Variants in MYO18B observed in about 807,000 individuals in gnomAD.
The protein encoded by MYO18B is myosin XVIIIB, also known as unconventional myosin-XVIIIb.
In MYO18B, 204 loss-of-function variants were observed where a neutral mutation model predicts 273.0. The ratio of observed to expected loss-of-function variants is 0.75; its 90% CI spans 0.67 to 0.84. MYO18B has a LOEUF of 0.84. Among genes scored for constraint, MYO18B ranks in the 40% least tolerant of loss-of-function variants. MYO18B has a pLI of 0.00. For missense variants in MYO18B, 3,212 were observed against 3,287.6 expected (o/e 0.98, Z 0.56); for synonymous variants, 1,330 against 1,305.7 (o/e 1.02, Z -0.40).
intron 29 of MYO18B, chr22:25,899,954 A>C (rs1363039436): frequency 6.6e-6 from 1 of 152,270 alleles, no homozygotes; most frequent in Non-Finnish European, 1.5e-5. Context: ...TTGGCCCCCA[A>C]CTATGGGTTC....
intron 39 of MYO18B, among the ~76,000 whole-genome samples, chr22:25,961,506 C>T (rs1429009240): frequency 6.6e-6 from 1 of 152,158 alleles, no homozygotes; most frequent in Non-Finnish European, 1.5e-5. Flanking sequence ...ATGTGCTATT[C>T]CTGGAGACTC....
chr22:25,849,247 A>T (rs2090349618), intron 20 of MYO18B, among the ~76,000 whole-genome samples: 1 of 152,216 alleles, frequency 6.6e-6, no homozygotes, highest in Non-Finnish European at 1.5e-5. Flanking sequence ...TCACGACACC[A>T]TCTCTGTTCT....
the MYO18B span, among the ~76,000 whole-genome samples, chr22:26,047,924 G>GC: frequency 6.6e-6 from 1 of 152,066 alleles, no homozygotes; most frequent in Non-Finnish European, 1.5e-5. Flanking sequence ...TGCCACACTG[G>GC]CTGCCTGTCA....
At chr22:26,009,519 C>A (rs1261162546) in intron 42 of MYO18B, among the ~76,000 whole-genome samples, 8 of 152,212 alleles carry the variant, frequency 5.3e-5, no homozygotes, top group Non-Finnish European at 1.2e-4. Context: ...ACTCCACATT[C>A]ATGCCTCAAT....
chr22:25,814,149 G>A (rs902371722), intron 12 of MYO18B, among the ~76,000 whole-genome samples: 3 of 152,076 alleles, frequency 2.0e-5, no homozygotes, highest in Non-Finnish European at 2.9e-5. Flanking sequence ...GGACACCTGC[G>A]GGACCCTGAT....
intron 15 of MYO18B, among the ~76,000 whole-genome samples, chr22:25,829,319 G>A (rs75162487): frequency 6.8e-4 from 104 of 152,288 alleles, no homozygotes; most frequent in South Asian, 2.1e-4. Context: ...TGCCCAGGGG[G>A]GGAATGCCCT....
chr22:26,026,976 T>G lies in MYO18B; in HGVS notation c.7002T>G (p.Val2334=), dbSNP rs9613085. 6.2e-7 allele frequency: 1 copy of G among 1,613,872 alleles called. No homozygotes were observed. Residue 2334 remains valine (V), a synonymous_variant, in exon 43 of 44, where the codon GTT becomes GTG. Coordinates refer to ENST00000335473, the MANE Select transcript of MYO18B (RefSeq NM_032608.7). The part of the protein sequence containing the change: ...TSLKCISSDG[V]GGTTLLPEKS... ...TCAAATGCATCTCTTCAGACGGTGT[T>G]GGGGGCACAACCCTACTCCCCGAAA...
At chr22:25,977,347 G>A (rs1205222016) in intron 39 of MYO18B, among the ~76,000 whole-genome samples, 1 of 151,864 alleles carries the variant, frequency 6.6e-6, no homozygotes, top group African/African-American at 2.4e-5. Flanking sequence ...ATTTGTATCT[G>A]GGTTGCTGTG....
chr22:25,845,229 G>T (rs1287144809), intron 18 of MYO18B, among the ~76,000 whole-genome samples: 1 of 152,160 alleles, frequency 6.6e-6, no homozygotes, highest in Non-Finnish European at 1.5e-5. Context: ...TGAAAAGCTG[G>T]CACCCTTGGC....
chr22:26,011,657 CTT>C (rs1488689877), intron 42 of MYO18B, among the ~76,000 whole-genome samples: 3 of 152,136 alleles, frequency 2.0e-5, no homozygotes, highest in Non-Finnish European at 4.4e-5. Flanking sequence ...TGATCAGAGA[CTT>C]TATTTATCCC....
intron 22 of MYO18B, among the ~76,000 whole-genome samples, chr22:25,869,574 C>T (rs2090992855): frequency 6.6e-6 from 1 of 151,520 alleles, no homozygotes; most frequent in Non-Finnish European, 1.5e-5. Context: ...TAGTTACTTA[C>T]TGGTTGATGA....
chr22:25,760,486 A>G (rs2086276649), intron 1 of MYO18B, among the ~76,000 whole-genome samples: 1 of 150,972 alleles, frequency 6.6e-6, no homozygotes, highest in African/African-American at 2.4e-5. Context: ...ACCAGAAGGG[A>G]GCATGAGGGA....
At chr22:26,061,616 T>G in the MYO18B span, among the ~76,000 whole-genome samples, 1 of 151,826 alleles carries the variant, frequency 6.6e-6, no homozygotes, top group East Asian at 1.9e-4. Flanking sequence ...TCTCAGTTCC[T>G]GTGTCCCTAT....
chr22:25,832,271 T>C (rs1469946726), intron 15 of MYO18B, among the ~76,000 whole-genome samples: 1 of 152,142 alleles, frequency 6.6e-6, no homozygotes, highest in East Asian at 1.9e-4. Flanking sequence ...CTGAAAAGAA[T>C]TGAAATTAGG....
At position 25,905,554 on chromosome 22, in the gene MYO18B, G is replaced by A. The variant is rs575727620; in HGVS notation, c.5148+1723G>A. The stretch of plus-strand genomic sequence containing the variant: ...GAGGAAGTGATATTTACTGAAGAGG[G>A]AAGCTGGAGGATGAATCAGAATTGG... On this transcript the variant is annotated intron_variant, in intron 31 of 43. Coordinates refer to ENST00000335473, the MANE Select transcript of MYO18B (RefSeq NM_032608.7). 5.6e-4 allele frequency among the ~76,000 whole-genome samples: 85 copies of A among 152,306 alleles called. No individual in the cohort carries two copies. In the South Asian group the frequency reaches 0.017, roughly 31 times the overall value.
chr22:26,013,963 C>G lies in MYO18B; in HGVS notation c.6470+9108C>G, dbSNP rs139519422. Among the ~76,000 whole-genome samples the G allele has an allele frequency of 1.4e-3, 208 of 152,210 alleles. 4 individuals are homozygous for G. The South Asian group carries it at 0.024, about 18-fold the overall frequency. On this transcript the variant is annotated intron_variant, in intron 42 of 43. Coordinates refer to ENST00000335473, the MANE Select transcript of MYO18B (RefSeq NM_032608.7). ...CACTCAGTCACTTACCTTTTTCACT[C>G]TCTTAATGGTTTATTTTTATAAGAA...
At chr22:25,966,680 G>A (rs2092982858) in intron 39 of MYO18B, among the ~76,000 whole-genome samples, 1 of 152,174 alleles carries the variant, frequency 6.6e-6, no homozygotes, top group South Asian at 2.1e-4. Context: ...GAGCTGACAG[G>A]GGAACCCGCG....
chr22:25,789,324 G>A (rs17624941), intron 11 of MYO18B, among the ~76,000 whole-genome samples: 38,564 of 78,518 alleles, frequency 0.49, 5,164 homozygotes, highest in Non-Finnish European at 0.55. Flanking sequence ...TGAAGCATCT[G>A]TTTAAAAAAA....
rs1273991920 is a variant in MYO18B at position 25,768,897 on chromosome 22, G to A, written c.981G>A (p.Lys327=). ...KWGGFLGRRS[K]WDGPQNKKDK... is the part of the protein sequence containing the mutation. ...GAGGTTTCCTGGGAAGAAGGAGTAA[G>A]TGGGACGGTCCCCAGAATAAGAAGG... Residue 327 remains lysine (K), a synonymous_variant, in exon 4 of 44, where the codon AAG becomes AAA. Transcript: ENST00000335473. The A allele has an allele frequency of 4.3e-6, 7 of 1,613,108 alleles. No homozygotes were observed. The highest frequency in any genetic ancestry group is 5.9e-6 in the Non-Finnish European group (7 of 1,179,552).
Sources: gnomAD v4.1 joint callset for allele counts (sites outside exome capture counted in the v4.1 genomes callset) on GRCh38, gnomAD v4.1.1 for gene constraint, MANE v1.5 for transcripts, NCBI Gene and HGNC (gene_info 2026-07-23, HGNC 2026-07-21) for gene names.